HMCN1: variants seen among roughly 807,000 people sequenced by gnomAD.
The protein encoded by HMCN1 is hemicentin 1.
In HMCN1, 321 loss-of-function variants were observed where a neutral mutation model predicts 625.9. The observed-to-expected ratio is 0.51, with a 90% confidence interval of 0.47 to 0.56. The LOEUF is 0.56. Among genes scored for constraint, HMCN1 ranks in the 20% least tolerant of loss-of-function variants. The pLI is 0.00. For synonymous variants in HMCN1, 2,425 were observed against 2,417.6 expected, an observed-to-expected ratio of 1.00 and a Z score of -0.09; for missense variants, 6,588 against 6,887.3, an observed-to-expected ratio of 0.96 and a Z score of 1.54.
At chr1:186,056,977 A>G (rs1657371600) in intron 45 of HMCN1, among the ~76,000 whole-genome samples, 1 of 151,762 alleles carries the variant, frequency 6.6e-6, no homozygotes, top group African/African-American at 2.4e-5. Flanking sequence ...AACAATATGA[A>G]AATAATTTAC....
At chr1:186,037,480 AC>A (rs1361550954) in intron 36 of HMCN1, among the ~76,000 whole-genome samples, 1 of 152,158 alleles carries the variant, frequency 6.6e-6, no homozygotes, top group African/African-American at 2.4e-5. Flanking sequence ...CAAAAACCAC[AC>A]AAAAGTTATT....
intron 1 of HMCN1, among the ~76,000 whole-genome samples, chr1:185,739,123 G>A (rs973810739): frequency 8.5e-5 from 13 of 152,150 alleles, no homozygotes; most frequent in African/African-American, 2.9e-4. Flanking sequence ...ATGGTATTTG[G>A]TTTTCTGTTC....
intron 8 of HMCN1, among the ~76,000 whole-genome samples, chr1:185,924,215 CT>C (rs58164381): frequency 6.1e-3 from 265 of 43,584 alleles, no homozygotes; most frequent in African/African-American, 0.012. Context: ...CTGACCCAAT[CT>C]TTTTTTTTTT....
At chr1:186,001,550 T>C (rs756445753) in intron 27 of HMCN1, 44 bp from the exon 28 acceptor site, 1 of 1,610,302 alleles carries the variant, frequency 6.2e-7, no homozygotes, top group South Asian at 1.1e-5. Flanking sequence ...ATTATGCATT[T>C]TTATTAGGAT....
chr1:186,145,046 C>T (rs553801751), intron 91 of HMCN1, among the ~76,000 whole-genome samples: 1 of 152,298 alleles, frequency 6.6e-6, no homozygotes, highest in South Asian at 2.1e-4. Flanking sequence ...ATTTTTAGAC[C>T]CTTGCAGCAA....
intron 2 of HMCN1, among the ~76,000 whole-genome samples, chr1:185,861,036 GTTGAGC>G (rs1204416336): frequency 1.3e-5 from 2 of 152,064 alleles, no homozygotes; most frequent in Non-Finnish European, 2.9e-5. Context: ...TCAATTTTAG[GTTGAGC>G]TTGAAGTTCC....
intron 36 of HMCN1, among the ~76,000 whole-genome samples, chr1:186,027,330 A>G (rs1197484350): frequency 6.6e-6 from 1 of 152,196 alleles, no homozygotes; most frequent in East Asian, 1.9e-4. Flanking sequence ...AATTACATCT[A>G]AACCTCAGAT....
intron 1 of HMCN1, among the ~76,000 whole-genome samples, chr1:185,822,227 A>G (rs1571403112): frequency 1.3e-5 from 2 of 152,104 alleles, no homozygotes; most frequent in South Asian, 2.1e-4. Context: ...TGATGTGTCA[A>G]TGTAGGTTCA....
rs747596578 is a variant in HMCN1 at position 186,166,322 on chromosome 1, C to T, written c.15439+19C>T. Reference sequence around the variant, plus strand: ...TGTCAAGGTATTCACAAATCTAATACACACATTTAAGCAATGGGTCAAGGA... The same window carrying T: ...TGTCAAGGTATTCACAAATCTAATATACACATTTAAGCAATGGGTCAAGGA... On this transcript the variant is annotated intron_variant, in intron 99 of 106. Coordinates refer to ENST00000271588, the MANE Select transcript of HMCN1 (RefSeq NM_031935.3). 6.2e-7 allele frequency: 1 copy of T among 1,613,934 alleles called. No individual in the cohort carries two copies. Among genetic ancestry groups the T allele is most frequent in the East Asian group, 2.2e-5 (1 of 44,850 alleles).
Position 185,970,351 on chromosome 1 carries a change from G to A in HMCN1, c.2229G>A (p.Arg743=). The change falls in exon 15 of 107, where the codon AGG becomes AGA. Residue 743 remains arginine, a synonymous_variant. Coordinates refer to ENST00000271588, the MANE Select transcript of HMCN1 (RefSeq NM_031935.3). ...TTGACTTAGGAGATCTTGAGTTGAGGCCCTCAACATTCCTCATTATTGACC... is the reference window on the plus strand; with the variant it reads ...TTGACTTAGGAGATCTTGAGTTGAGACCCTCAACATTCCTCATTATTGACC... ...VKWFKGDLEL[R]PSTFLIIDPL... The A allele has an allele frequency of 6.2e-7, 1 of 1,613,608 alleles. No homozygotes were observed.
intron 1 of HMCN1, among the ~76,000 whole-genome samples, chr1:185,764,765 A>G (rs1161763701): frequency 6.6e-6 from 1 of 152,316 alleles, no homozygotes; most frequent in South Asian, 2.1e-4. Context: ...ATATTTGAAT[A>G]AAGTCTATAT....
intron 17 of HMCN1, 96 bp from the exon 18 acceptor site, chr1:185,982,166 T>G: frequency 8.1e-7 from 1 of 1,233,550 alleles, no homozygotes; most frequent in Non-Finnish European, 1.2e-6. Flanking sequence ...CTCAAACTTT[T>G]ATAGCATAAC....
At chr1:186,037,777 T>C (rs972820336) in intron 36 of HMCN1, among the ~76,000 whole-genome samples, 157 bp from the exon 37 acceptor site, 2 of 152,192 alleles carry the variant, frequency 1.3e-5, no homozygotes, top group Non-Finnish European at 2.9e-5. Context: ...ATCCTGTTCT[T>C]CAGTCTATTT....
At chr1:185,822,926 C>G (rs914043167) in intron 1 of HMCN1, among the ~76,000 whole-genome samples, 1 of 152,046 alleles carries the variant, frequency 6.6e-6, no homozygotes, top group Admixed American at 6.6e-5. Context: ...ATATAAATAA[C>G]AAAACAAAAT....
chr1:185,958,308 G>A (rs1048045849), intron 11 of HMCN1, among the ~76,000 whole-genome samples: 1 of 152,038 alleles, frequency 6.6e-6, no homozygotes, highest in Non-Finnish European at 1.5e-5. Context: ...TAGTAGAGAC[G>A]GGTTTTTGCC....
intron 9 of HMCN1, 76 bp downstream of exon 9, chr1:185,925,267 C>T (rs1394866284): frequency 7.1e-7 from 1 of 1,408,346 alleles, no homozygotes; most frequent in Non-Finnish European, 1.0e-6. Context: ...TTGCAGTGTA[C>T]TTTTTCACTG....
chr1:185,863,772 T>C (rs571759875), intron 2 of HMCN1, among the ~76,000 whole-genome samples: 2 of 152,274 alleles, frequency 1.3e-5, no homozygotes, highest in East Asian at 1.9e-4. Context: ...ACAGAGATTA[T>C]AGGTTAATAG....
intron 15 of HMCN1, among the ~76,000 whole-genome samples, chr1:185,972,598 T>C (rs1650908373): frequency 6.6e-6 from 1 of 152,182 alleles, no homozygotes; most frequent in South Asian, 2.1e-4. Context: ...AATTATTTGT[T>C]TATTGTAACC....
chr1:186,054,052 C>T, intron 44 of HMCN1, 66 bp downstream of exon 44: 1 of 1,462,668 alleles, frequency 6.8e-7, no homozygotes, highest in Non-Finnish European at 9.5e-7. Flanking sequence ...TTCTCATTTA[C>T]TTTTAAAAAT....
Sources: gnomAD v4.1 joint callset for allele counts (sites outside exome capture counted in the v4.1 genomes callset) on GRCh38, gnomAD v4.1.1 for gene constraint, MANE v1.5 for transcripts, NCBI Gene and HGNC (gene_info 2026-07-23, HGNC 2026-07-21) for gene names.